Variants in RIPOR1 observed in about 807,000 individuals in gnomAD.
RIPOR1 encodes RHO family interacting cell polarization regulator 1.
Under a neutral mutation model 116.5 loss-of-function variants are expected in RIPOR1, and 58 were observed. The ratio of observed to expected loss-of-function variants is 0.50; its 90% CI spans 0.40 to 0.62. The LOEUF (loss-of-function observed/expected upper bound fraction) is 0.62. Among genes scored for constraint, RIPOR1 ranks in the 20% least tolerant of loss-of-function variants. The probability of loss-of-function intolerance (pLI) is 0.00; values close to 1 mark genes in which losing one functional copy is unlikely to be tolerated. For synonymous variants in RIPOR1, 605 were observed against 650.0 expected (o/e 0.93, Z 1.05); for missense variants, 1,372 against 1,586.2 (o/e 0.86, Z 2.29).
intron 20 of RIPOR1, 47 bp downstream of exon 20, chr16:67,546,079 C>G (rs1042067952): frequency 6.2e-7 from 1 of 1,608,588 alleles, no homozygotes; most frequent in Non-Finnish European, 8.5e-7. Context: ...TCCGGCACCC[C>G]CACCCCTGAA....
intron 1 of RIPOR1, among the ~76,000 whole-genome samples, chr16:67,523,551 A>G (rs1319739799): frequency 1.4e-5 from 2 of 143,956 alleles, no homozygotes; most frequent in African/African-American, 2.7e-5. Flanking sequence ...AAAAAAAAAC[A>G]GTAGTCAACA....
In RIPOR1 at chr16:67,542,749, A is replaced by G. The variant is rs757244666; in HGVS notation, c.1963A>G (p.Thr655Ala). Reference sequence around the variant, plus strand: ...TGGTATGGGCCTAGTCCAGACTGCCACAAGTCCCACCCATCCTACCACAAG... The same window carrying G: ...TGGTATGGGCCTAGTCCAGACTGCCGCAAGTCCCACCCATCCTACCACAAG... Reference protein sequence around the residue: ...PSGMGLVQTATSPTHPTTSPT... With the variant: ...PSGMGLVQTAASPTHPTTSPT... Residue 655 changes from threonine (T) to alanine (A), a missense_variant, in exon 13 of 22, where the codon ACA (threonine) becomes GCA (alanine). Physicochemically the swap from Thr to Ala is moderately conservative, Grantham distance 58. Transcript: ENST00000042381. The surrounding 1 kb of genome is among the most constrained non-coding windows in gnomAD (Gnocchi z 4.6). 5 of 1,612,870 alleles carry G rather than the reference A, an allele frequency of 3.1e-6. No individual in the cohort carries two copies. The South Asian group carries it at 4.4e-5, about 14-fold the overall frequency.
In RIPOR1 at chr16:67,539,709, C is replaced by T; in HGVS notation, c.337-19C>T. ...CCTCATCCCTCCTAAATATTTGCCC[C>T]TTCTCCCCACCCCTGCAGGGCTTCC... On this transcript the variant is annotated intron_variant, in intron 4 of 21. Transcript: ENST00000042381. 1 of 1,614,058 alleles carries T rather than the reference C, an allele frequency of 6.2e-7. No homozygotes were observed. The highest frequency in any genetic ancestry group is 8.5e-7 in the Non-Finnish European group (1 of 1,179,986).
At chr16:67,519,257 G>A (rs1333060149) in intron 1 of RIPOR1, among the ~76,000 whole-genome samples, 4 of 147,586 alleles carry the variant, frequency 2.7e-5, no homozygotes, top group South Asian at 2.1e-4. Context: ...TCCAGCCTGG[G>A]CAACAGAGAA....
At chr16:67,526,447 A>C (rs1333755468), upstream of RIPOR1, among the ~76,000 whole-genome samples, 3 of 152,114 alleles carry the variant, frequency 2.0e-5, no homozygotes, top group African/African-American at 7.2e-5. Flanking sequence ...GTGGGTGGGC[A>C]TGGTAGGGGG....
In RIPOR1 at chr16:67,538,455, C is replaced by T; in HGVS notation, c.9C>T (p.Ser3=). The change falls in exon 2 of 22, where the codon TCC becomes TCT. Residue 3 remains serine (S), a synonymous_variant. Coordinates refer to ENST00000042381, the MANE Select transcript of RIPOR1 (RefSeq NM_024519.4). ...CCGCGCGGACTCACTCTATGATGTC[C>T]CTGTCGGTGCGGCCGCAGCGCCGTC... The part of the protein sequence containing the change: MM[S]LSVRPQRRLL... The T allele has an allele frequency of 6.2e-7, 1 of 1,607,070 alleles. No homozygotes were observed. Among genetic ancestry groups the T allele is most frequent in the African/African-American group, 1.3e-5 (1 of 74,906 alleles).
chr16:67,537,771 G>A lies in RIPOR1; in HGVS notation c.-23-653G>A, dbSNP rs1192908683. Among the ~76,000 whole-genome samples the A allele has an allele frequency of 1.3e-5, 2 of 152,082 alleles. No homozygotes were observed. Among genetic ancestry groups the A allele is most frequent in the African/African-American group, 4.8e-5 (2 of 41,422 alleles). Reference sequence around the variant, plus strand: ...TCCGTGACTCAGTTTCCAGGTGGGAGCCTCAGGAAAGAGGAGGGGGCGGGG... The same window carrying A: ...TCCGTGACTCAGTTTCCAGGTGGGAACCTCAGGAAAGAGGAGGGGGCGGGG... On this transcript the variant is annotated intron_variant, in intron 1 of 21. Transcript: ENST00000042381. The surrounding 1 kb of genome is among the most constrained non-coding windows in gnomAD (Gnocchi z 4.6).
Position 67,531,704 on chromosome 16 carries a change from G to A in RIPOR1, c.-24+2790G>A, listed in dbSNP as rs1323001795. 1 of 434,454 alleles carries A rather than the reference G, an allele frequency of 2.3e-6. No individual in the cohort carries two copies. The highest frequency in any genetic ancestry group is 4.6e-6 in the Non-Finnish European group (1 of 216,188). 26.9% of individuals were successfully genotyped at this position (434,454 alleles called of 1,614,324 possible). On this transcript the variant is annotated intron_variant, in intron 1 of 21. Transcript: ENST00000042381. This position sits in a 1 kb window ranked among gnomAD's most constrained non-coding sequence, Gnocchi z 4.2. ...GGAGGAGAGGAGTGGTTGAAAGAAT[G>A]TGAGGGACAGGACAAATCCTGAAGG...
chr16:67,521,436 A>C (rs34697097), intron 1 of RIPOR1, among the ~76,000 whole-genome samples: 5,070 of 152,260 alleles, frequency 0.033, 129 homozygotes, highest in South Asian at 0.06. Context: ...CAACTCACAG[A>C]AATAAACTAT....
intron 1 of RIPOR1, among the ~76,000 whole-genome samples, chr16:67,535,278 G>A (rs1319857450): frequency 1.3e-5 from 2 of 152,200 alleles, no homozygotes; most frequent in African/African-American, 4.8e-5. Flanking sequence ...GCCTGGCCAA[G>A]GTTGAGGATT....
rs1352319043 is a variant in RIPOR1, at chr16:67,545,698, G to A, written c.3225G>A (p.Gln1075=). The change falls in exon 19 of 22, where the codon CAG becomes CAA. Residue 1075 remains glutamine (Q), a synonymous_variant. Coordinates refer to ENST00000042381, the MANE Select transcript of RIPOR1 (RefSeq NM_024519.4). This position sits in a 1 kb window ranked among gnomAD's most constrained non-coding sequence, Gnocchi z 4.8. ...LLVRNLNSDD[Q]AVVLKALRLA... is the part of the protein sequence containing the mutation. ...TGCGGAATCTGAACTCGGATGATCA[G>A]GCTGTTGTGCTGAAGGCCCTGAGAT... The A allele has an allele frequency of 6.3e-7, 1 of 1,582,024 alleles. No individual in the cohort carries two copies.
In RIPOR1 at chr16:67,541,200, G is replaced by A. The variant is rs1203965478; in HGVS notation, c.802-230G>A. On this transcript the variant is annotated intron_variant, in intron 10 of 21. Coordinates refer to ENST00000042381, the MANE Select transcript of RIPOR1 (RefSeq NM_024519.4). This position sits in a 1 kb window ranked among gnomAD's most constrained non-coding sequence, Gnocchi z 4.6. ...CCCACTTCAGCCTCCCAAGTAGCTG[G>A]GACTACAGGTGCACCACCATGCCTG... 9.1e-5 allele frequency: 45 copies of A among 494,230 alleles called. No individual in the cohort carries two copies. In the Admixed American group the frequency reaches 1.2e-3, roughly 13 times the overall value. The allele number at this position is 494,230 out of a possible 1,614,324, so 30.6% of individuals were successfully genotyped here. A position where few individuals can be genotyped will look rare whatever the true frequency, so the allele number is the denominator to read the frequency against.
Position 67,537,504 on chromosome 16 carries a change from C to CG in RIPOR1, c.-23-917dup. 1 of 1,273,190 alleles carries CG rather than the reference C, an allele frequency of 7.9e-7. No individual in the cohort carries two copies. The highest frequency in any genetic ancestry group is 9.9e-7 in the Non-Finnish European group (1 of 1,008,098). 78.9% of individuals were successfully genotyped at this position (1,273,190 alleles called of 1,614,324 possible). On this transcript the variant is annotated intron_variant, in intron 1 of 21. Transcript: ENST00000042381. This position sits in a 1 kb window ranked among gnomAD's most constrained non-coding sequence, Gnocchi z 4.6. Reference sequence around the variant, plus strand: ...GCTGGGAGCGAGCCCGGAGCCCAGCCGGGCGGCTCGAAGTGGCCAGGGCCG... The same window carrying CG: ...GCTGGGAGCGAGCCCGGAGCCCAGCCGGGGCGGCTCGAAGTGGCCAGGGCCG...
intron 4 of RIPOR1, 137 bp from the exon 5 acceptor site, chr16:67,539,591 G>A: frequency 9.7e-7 from 1 of 1,035,742 alleles, no homozygotes; most frequent in Non-Finnish European, 1.5e-6. Flanking sequence ...CCAGCAGGAA[G>A]GGGCGTCAGT....
chr16:67,544,421 GCCT>G lies in RIPOR1; in HGVS notation c.2727_2729del (p.Leu911del), dbSNP rs1375836833. 6.2e-7 allele frequency: 1 copy of G among 1,609,876 alleles called. No homozygotes were observed. The highest frequency in any genetic ancestry group is 8.5e-7 in the Non-Finnish European group (1 of 1,178,814). ...GTCCGGCACCTGTACCACTGCAGTC[GCCT>G]CCTGCTGGTGAGGCTGATGGTGTTC... is the stretch of plus-strand genomic sequence containing the variant. On this transcript the variant is annotated inframe_deletion, in exon 15 of 22. Coordinates refer to ENST00000042381, the MANE Select transcript of RIPOR1 (RefSeq NM_024519.4). This position sits in a 1 kb window ranked among gnomAD's most constrained non-coding sequence, Gnocchi z 5.1.
intron 1 of RIPOR1, among the ~76,000 whole-genome samples, chr16:67,533,985 T>TC (rs2050729945): frequency 6.7e-6 from 1 of 148,638 alleles, no homozygotes; most frequent in African/African-American, 2.5e-5. Context: ...TTTTTTTTTT[T>TC]TTTTTTTTTT....
upstream of RIPOR1, among the ~76,000 whole-genome samples, chr16:67,527,329 G>A (rs1224610137): frequency 6.6e-6 from 1 of 151,774 alleles, no homozygotes; most frequent in East Asian, 1.9e-4. Flanking sequence ...AGGTTGCAGT[G>A]AGCCGAGATC....
At chr16:67,525,128 G>T (rs1316056617), upstream of RIPOR1, among the ~76,000 whole-genome samples, 1 of 152,182 alleles carries the variant, frequency 6.6e-6, no homozygotes, top group Admixed American at 6.5e-5. Flanking sequence ...TGTCTGCCTA[G>T]GGAGCCCCAA....
intron 1 of RIPOR1, among the ~76,000 whole-genome samples, chr16:67,533,853 G>T (rs2050724819): frequency 6.7e-6 from 1 of 149,098 alleles, no homozygotes; most frequent in African/African-American, 2.5e-5. Flanking sequence ...TGTCGCCCAG[G>T]CTGGAGTGCA....
Sources: gnomAD v4.1 joint callset for allele counts (sites outside exome capture counted in the v4.1 genomes callset) on GRCh38, gnomAD v4.1.1 for gene constraint, Gnocchi (gnomAD v3.1) non-coding constraint, MANE v1.5 for transcripts, NCBI Gene and HGNC (gene_info 2026-07-23, HGNC 2026-07-21) for gene names.